Variants in SLC22A23 observed in about 807,000 individuals in gnomAD.
The protein encoded by SLC22A23 is solute carrier family 22 member 23.
Under a neutral mutation model 61.0 loss-of-function variants are expected in SLC22A23, and 26 were observed. The observed-to-expected ratio is 0.43, with a 90% confidence interval of 0.31 to 0.59. The LOEUF is 0.59. Among genes scored for constraint, SLC22A23 ranks in the 20% least tolerant of loss-of-function variants. SLC22A23 has a pLI of 0.11. For synonymous variants in SLC22A23, 430 were observed against 413.9 expected (o/e 1.04, Z -0.47); for missense variants, 796 against 934.7 (o/e 0.85, Z 1.94).
At chr6:3,331,326 C>G (rs551520301) in intron 3 of SLC22A23, among the ~76,000 whole-genome samples, 4 of 152,316 alleles carry the variant, frequency 2.6e-5, no homozygotes, top group Admixed American at 2.6e-4. Flanking sequence ...CTCCTCAGAG[C>G]CTAGGACTGT....
intron 1 of SLC22A23, chr6:3,438,366 T>A (rs1404682648): frequency 2.7e-6 from 1 of 367,532 alleles, no homozygotes; most frequent in Non-Finnish European, 5.4e-6. Flanking sequence ...ACGAGGTGCC[T>A]GCCTTGGCAC....
chr6:3,327,235 T>C lies in SLC22A23; in HGVS notation c.914-3233A>G, dbSNP rs1436164019. Among the ~76,000 whole-genome samples, 1 of 152,232 alleles carries C rather than the reference T, an allele frequency of 6.6e-6. No individual in the cohort carries two copies. Among genetic ancestry groups the C allele is most frequent in the Non-Finnish European group, 1.5e-5 (1 of 68,038 alleles). On this transcript the variant is annotated intron_variant, in intron 3 of 9. Transcript: ENST00000406686. This position sits in a 1 kb window ranked among gnomAD's most constrained non-coding sequence, Gnocchi z 4.1. ...CAGGGAATGATGTCCCCAATCCAACTGCCCCTTCAGGGCCTGGCTACTGTG... is the reference window on the plus strand; with the variant it reads ...CAGGGAATGATGTCCCCAATCCAACCGCCCCTTCAGGGCCTGGCTACTGTG...
At chr6:3,437,627 T>C (rs1324468628) in intron 1 of SLC22A23, among the ~76,000 whole-genome samples, 3 of 151,704 alleles carry the variant, frequency 2.0e-5, no homozygotes, top group African/African-American at 7.3e-5. Flanking sequence ...AGGCGGAGCT[T>C]GCAGAGAGCT....
chr6:3,455,918 G>A lies in SLC22A23; in HGVS notation c.642C>T (p.Asn214=), dbSNP rs1160066236. Residue 214 remains asparagine (N), a synonymous_variant, in exon 1 of 10, where the codon AAC becomes AAT. Coordinates refer to ENST00000406686, the MANE Select transcript of SLC22A23 (RefSeq NM_015482.2). The part of the protein sequence containing the change: ...DYGIRAGLVQ[N]VVSKWDLVCD... ...CTGCGGCCCTTACCTTGCTGACCAC[G>A]TTCTGGACGAGGCCGGCGCGGATGC... The A allele has an allele frequency of 6.6e-6, 10 of 1,507,484 alleles. No homozygotes were observed. The highest frequency in any genetic ancestry group is 2.6e-5 in the South Asian group (2 of 77,964). 93.4% of individuals were successfully genotyped at this position (1,507,484 alleles called of 1,614,324 possible). A position where few individuals can be genotyped will look rare whatever the true frequency, so the allele number is the denominator to read the frequency against.
At chr6:3,361,303 T>C (rs1161482027) in intron 3 of SLC22A23, among the ~76,000 whole-genome samples, 1 of 151,156 alleles carries the variant, frequency 6.6e-6, no homozygotes, top group South Asian at 2.1e-4. Flanking sequence ...ATTCTTTTTT[T>C]TTTTTTTTTT....
chr6:3,298,138 T>C lies in SLC22A23; in HGVS notation c.1163A>G (p.Gln388Arg). 6.3e-7 allele frequency: 1 copy of C among 1,588,012 alleles called. No homozygotes were observed. Among genetic ancestry groups the C allele is most frequent in the South Asian group, 1.2e-5 (1 of 86,466 alleles). The part of the protein sequence containing the change: ...SAKRLILHFT[Q>R]KNRMNPEGDI... The stretch of plus-strand genomic sequence containing the variant: ...GCCCTCAGGGTTCATGCGATTCTTC[T>C]GTGTGAAGTGGAGGATCAGCCTCTT... The change falls in exon 5 of 10, where the codon CAG becomes CGG. Residue 388 changes from glutamine (Q) to arginine (R), a missense_variant. Transcript: ENST00000406686.
intron 1 of SLC22A23, among the ~76,000 whole-genome samples, chr6:3,424,863 C>G (rs1246721099): frequency 6.6e-6 from 1 of 152,196 alleles, no homozygotes; most frequent in Non-Finnish European, 1.5e-5. Context: ...TACTATGTGG[C>G]CCTTTTTAGA....
At chr6:3,438,744 T>C (rs1771389124) in intron 1 of SLC22A23, among the ~76,000 whole-genome samples, 1 of 152,246 alleles carries the variant, frequency 6.6e-6, no homozygotes. Context: ...CATTCCTGTA[T>C]AAATATACTA....
At chr6:3,289,069 G>A (rs899625971) in intron 6 of SLC22A23, among the ~76,000 whole-genome samples, 1 of 152,238 alleles carries the variant, frequency 6.6e-6, no homozygotes, top group Non-Finnish European at 1.5e-5. Flanking sequence ...ACCCAAATGA[G>A]TCAAATCCCT....
chr6:3,438,384 A>T, intron 1 of SLC22A23: 2 of 386,572 alleles, frequency 5.2e-6, no homozygotes, highest in South Asian at 3.9e-5. Flanking sequence ...CACAGGTAGC[A>T]GATGTTTCAC....
At chr6:3,401,512 G>A (rs190631318) in intron 3 of SLC22A23, among the ~76,000 whole-genome samples, 7 of 152,286 alleles carry the variant, frequency 4.6e-5, no homozygotes, top group Middle Eastern at 3.4e-3. Context: ...ACCTATGCTC[G>A]AAATAATTCA....
At chr6:3,290,156 T>A (rs1561871043) in intron 5 of SLC22A23, 1 of 484,856 alleles carries the variant, frequency 2.1e-6, no homozygotes, top group Non-Finnish European at 3.8e-6. Context: ...CCAGTCAGAG[T>A]GCACACAAAC....
rs760948106 is a variant in SLC22A23 at position 3,286,568 on chromosome 6, T to C, written c.1546+291A>G. ...TCCTTTGTTCTTCTTGGTCATGTGA[T>C]GAATCACACAGAAGCAGTCTACCTA... On this transcript the variant is annotated intron_variant, in intron 7 of 9. Transcript: ENST00000406686. This position sits in a 1 kb window ranked among gnomAD's most constrained non-coding sequence, Gnocchi z 4.2. 1.3e-5 allele frequency among the ~76,000 whole-genome samples: 2 copies of C among 152,202 alleles called. No individual in the cohort carries two copies. The highest frequency in any genetic ancestry group is 4.8e-5 in the African/African-American group (2 of 41,440).
In SLC22A23 at chr6:3,273,073, G is replaced by A. The variant is rs775886478; in HGVS notation, c.2043C>T (p.Asn681=). The change falls in exon 10 of 10, where the codon AAC becomes AAT. Residue 681 remains asparagine (N), a synonymous_variant. Coordinates refer to ENST00000406686, the MANE Select transcript of SLC22A23 (RefSeq NM_015482.2). ...GGCCGGGCTACATGGCCTTCATGCCGTTGGCCGTGGCACCCTCGGGCAGTG... is the reference window on the plus strand; with the variant it reads ...GGCCGGGCTACATGGCCTTCATGCCATTGGCCGTGGCACCCTCGGGCAGTG... ...GDTLPEGATA[N]GMKAM 40 of 1,570,626 alleles carry A rather than the reference G, an allele frequency of 2.5e-5. No individual in the cohort carries two copies. The highest frequency in any genetic ancestry group is 5.4e-5 in the African/African-American group (4 of 74,048).
chr6:3,286,887 G>A lies in SLC22A23; in HGVS notation c.1518C>T (p.Ala506=). 6.2e-7 allele frequency: 1 copy of A among 1,609,644 alleles called. No individual in the cohort carries two copies. The highest frequency in any genetic ancestry group is 8.5e-7 in the Non-Finnish European group (1 of 1,178,270). The change falls in exon 7 of 10, where the codon GCC becomes GCT. Residue 506 remains alanine, a synonymous_variant. Transcript: ENST00000406686. The surrounding 1 kb of genome is among the most constrained non-coding windows in gnomAD (Gnocchi z 4.2). ...LLLFMILTAL[A]SLLQLGLLNL... ...TGAGGAGGCCGAGCTGCAGGAGTGA[G>A]GCCAGGGCGGTGAGGATCATGAAGA... is the stretch of plus-strand genomic sequence containing the variant.
At chr6:3,406,552 G>A (rs183432152) in intron 3 of SLC22A23, among the ~76,000 whole-genome samples, 5 of 76,826 alleles carry the variant, frequency 6.5e-5, no homozygotes, top group South Asian at 4.8e-4. Flanking sequence ...GTGTGTGCGC[G>A]CATGTGTGTG....
chr6:3,430,478 G>C (rs1770786748), intron 1 of SLC22A23, among the ~76,000 whole-genome samples: 2 of 152,136 alleles, frequency 1.3e-5, no homozygotes, highest in South Asian at 4.1e-4. Flanking sequence ...CCCCAGTATT[G>C]TGGGCCAGGC....
At chr6:3,402,369 G>A (rs1458719972) in intron 3 of SLC22A23, among the ~76,000 whole-genome samples, 1 of 72,932 alleles carries the variant, frequency 1.4e-5, no homozygotes, top group Non-Finnish European at 2.7e-5. Context: ...GTCTGTGTGT[G>A]TTGTTCCATC....
rs750627838 is a variant in SLC22A23 at position 3,283,801 on chromosome 6, T to A, written c.1703+51A>T. The A allele has an allele frequency of 3.7e-6, 6 of 1,609,086 alleles. No individual in the cohort carries two copies. In the East Asian group the frequency reaches 6.7e-5, roughly 18 times the overall value. On this transcript the variant is annotated intron_variant, in intron 9 of 9. Transcript: ENST00000406686. Reference sequence around the variant, plus strand: ...ACACCAGCCTGGAGCCAGGGACTCGTCTTTGATTTCCGAGAAGCCGGCGTC... The same window carrying A: ...ACACCAGCCTGGAGCCAGGGACTCGACTTTGATTTCCGAGAAGCCGGCGTC...
Sources: allele counts gnomAD v4.1 joint callset (sites outside exome capture counted in the v4.1 genomes callset), GRCh38; gene constraint gnomAD v4.1.1; non-coding constraint Gnocchi (gnomAD v3.1); transcripts MANE v1.5; gene names NCBI Gene and HGNC (gene_info 2026-07-23, HGNC 2026-07-21).